LOC400499: variants seen among roughly 807,000 people sequenced by gnomAD.
chr16:11,464,586 A>G, the LOC400499 span, among the ~76,000 whole-genome samples: 2 of 152,212 alleles, frequency 1.3e-5, no homozygotes, highest in African/African-American at 2.4e-5. Context: ...CAAGTTGAAC[A>G]TAAGCTCTGG....
chr16:11,484,164 C>T, the LOC400499 span, among the ~76,000 whole-genome samples: 20 of 151,834 alleles, frequency 1.3e-4, no homozygotes, highest in Middle Eastern at 3.2e-3. Flanking sequence ...CCCACCACCA[C>T]GCCTGGCTAA....
At chr16:11,500,702 G>C in the LOC400499 span, 2 of 396,974 alleles carry the variant, frequency 5.0e-6, no homozygotes, top group African/African-American at 4.1e-5. Flanking sequence ...CTTATCCTAC[G>C]AGGGGCTGGC....
At chr16:11,423,040 G>A in the LOC400499 span, 3 of 397,724 alleles carry the variant, frequency 7.5e-6, no homozygotes, top group Non-Finnish European at 8.9e-6. Context: ...TGAAGGAGGG[G>A]GACCATGTGA....
chr16:11,487,416 T>C, the LOC400499 span: 1 of 398,690 alleles, frequency 2.5e-6, no homozygotes, highest in South Asian at 1.3e-4. Flanking sequence ...ATCAGTACAC[T>C]CTGTACACTC....
the LOC400499 span, among the ~76,000 whole-genome samples, chr16:11,501,515 T>A: frequency 3.3e-5 from 5 of 151,976 alleles, no homozygotes; most frequent in Non-Finnish European, 7.4e-5. Flanking sequence ...CGCTACCAAG[T>A]CGAGCTAACT....
the LOC400499 span, chr16:11,407,145 G>T: frequency 5.0e-6 from 2 of 398,630 alleles, no homozygotes; most frequent in Non-Finnish European, 8.9e-6. Context: ...TCAAAGGGCT[G>T]TCCCAGAGGC....
the LOC400499 span, chr16:11,396,513 C>G: frequency 8.1e-7 from 1 of 1,232,216 alleles, no homozygotes; most frequent in Non-Finnish European, 1.0e-6. Context: ...CCACTGACCT[C>G]CAGTGCCCCG....
chr16:11,387,223 G>A, the LOC400499 span: 10 of 1,232,362 alleles, frequency 8.1e-6, no homozygotes, highest in Non-Finnish European at 1.0e-5. Flanking sequence ...TGAGGTAGCT[G>A]GTCACCCGGG....
At chr16:11,501,716 C>A in the LOC400499 span, among the ~76,000 whole-genome samples, 1 of 151,902 alleles carries the variant, frequency 6.6e-6, no homozygotes, top group African/African-American at 2.4e-5. Context: ...GCCCAGCACC[C>A]CCCAGCCCAG....
chr16:11,450,254 G>A, the LOC400499 span, among the ~76,000 whole-genome samples: 146 of 152,336 alleles, frequency 9.6e-4, no homozygotes, highest in African/African-American at 3.3e-3. Context: ...ATGACAGTCA[G>A]TAGTCGGCAT....
chr16:11,440,136 C>A, the LOC400499 span, among the ~76,000 whole-genome samples: 1 of 152,062 alleles, frequency 6.6e-6, no homozygotes, highest in Non-Finnish European at 1.5e-5. Flanking sequence ...CAGTGTCACC[C>A]AGCAGAGATA....
At chr16:11,410,255 A>G in the LOC400499 span, among the ~76,000 whole-genome samples, 4 of 152,144 alleles carry the variant, frequency 2.6e-5, no homozygotes, top group Non-Finnish European at 5.9e-5. Flanking sequence ...GGAGTTTGCG[A>G]CCAGCCTGGA....
the LOC400499 span, chr16:11,487,391 G>A: frequency 2.5e-6 from 1 of 399,044 alleles, no homozygotes; most frequent in Non-Finnish European, 4.4e-6. Flanking sequence ...CAGACACTAG[G>A]AGTAAGACAA....
At chr16:11,393,652 G>A in the LOC400499 span, 4 of 1,091,212 alleles carry the variant, frequency 3.7e-6, no homozygotes, top group Non-Finnish European at 4.7e-6. Flanking sequence ...GAGGCTGGCT[G>A]GGGAGGCTGC....
chr16:11,386,014 C>T, the LOC400499 span, among the ~76,000 whole-genome samples: 2 of 152,124 alleles, frequency 1.3e-5, no homozygotes, highest in African/African-American at 2.4e-5. Context: ...CCAGCCAGGA[C>T]AACAGAGTGA....
chr16:11,422,325 G>A, the LOC400499 span, among the ~76,000 whole-genome samples: 1 of 152,124 alleles, frequency 6.6e-6, no homozygotes, highest in Non-Finnish European at 1.5e-5. Context: ...ACTTGAACCT[G>A]GTAGGCAGAG....
the LOC400499 span, among the ~76,000 whole-genome samples, chr16:11,430,055 G>A: frequency 3.7e-4 from 56 of 152,310 alleles, no homozygotes; most frequent in Non-Finnish European, 7.4e-4. Flanking sequence ...CAAACAGACA[G>A]AAGGTGCCAC....
chr16:11,512,240 C>T, the LOC400499 span, among the ~76,000 whole-genome samples: 3 of 151,770 alleles, frequency 2.0e-5, no homozygotes, highest in Admixed American at 6.6e-5. Flanking sequence ...TGAGATCATG[C>T]TACTGCACTC....
chr16:11,496,502 C>T, the LOC400499 span, among the ~76,000 whole-genome samples: 1 of 152,150 alleles, frequency 6.6e-6, no homozygotes, highest in Admixed American at 6.5e-5. Context: ...CTGTAGAATC[C>T]TAGTGCTTGT....
Sources: allele counts gnomAD v4.1 joint callset (sites outside exome capture counted in the v4.1 genomes callset), GRCh38; gene constraint gnomAD v4.1.1; transcripts MANE v1.5.